The following CUBN variants were observed in gnomAD, a reference collection of about 807,000 sequenced individuals.
CUBN encodes 460 kDa receptor.
In CUBN, 282 loss-of-function variants were observed where a neutral mutation model predicts 405.3. The observed-to-expected ratio is 0.70, with a 90% CI of 0.63 to 0.77. CUBN has a LOEUF of 0.77. Among genes scored for constraint, CUBN ranks in the 30% least tolerant of loss-of-function variants. The pLI, the probability that CUBN is intolerant of heterozygous loss-of-function variation, is 0.00. For synonymous variants in CUBN, 1,684 were observed against 1,617.0 expected, an observed-to-expected ratio of 1.04 and a Z score of -0.99; for missense variants, 4,514 against 4,475.2, an observed-to-expected ratio of 1.01 and a Z score of -0.25.
chr10:17,082,544 G>C (rs539729560), intron 17 of CUBN, among the ~76,000 whole-genome samples: 7 of 152,240 alleles, frequency 4.6e-5, no homozygotes, highest in South Asian at 4.2e-4. Flanking sequence ...CACCATGAAG[G>C]CTTTAACAGA....
chr10:17,046,267 A>C (rs1395959553), intron 23 of CUBN, among the ~76,000 whole-genome samples, 173 bp from the exon 24 acceptor site: 2 of 152,152 alleles, frequency 1.3e-5, no homozygotes, highest in Admixed American at 6.5e-5. Flanking sequence ...TAAATTTTTA[A>C]AAATCATATT....
chr10:16,840,980 G>A lies in CUBN; in HGVS notation c.9731C>T (p.Pro3244Leu). The A allele has an allele frequency of 6.2e-7, 1 of 1,614,076 alleles. No homozygotes were observed. Among genetic ancestry groups the A allele is most frequent in the Non-Finnish European group, 8.5e-7 (1 of 1,179,976 alleles). Residue 3244 changes from proline to leucine, a missense_variant, in exon 61 of 67, where the codon CCT becomes CTT. By Grantham distance (98) the Pro-to-Leu change is moderately conservative (BLOSUM62 -3). Transcript: ENST00000377833. ...GTFCGSTVPA[P>L]FISSGNFLTV... Reference sequence around the variant, plus strand: ...AAGGAAGTTACCAGAAGAGATAAAAGGAGCAGGTACTGTGGAACCACAAAA... The same window carrying A: ...AAGGAAGTTACCAGAAGAGATAAAAAGAGCAGGTACTGTGGAACCACAAAA...
intron 19 of CUBN, 52 bp downstream of exon 19, chr10:17,071,373 TA>T: frequency 6.4e-7 from 1 of 1,559,296 alleles, no homozygotes; most frequent in Non-Finnish European, 8.8e-7. Context: ...CAACCCATAA[TA>T]TTTTTTATAA....
rs115545347 is a variant in CUBN at position 17,127,084 on chromosome 10, T to C, written c.349-285A>G. On this transcript the variant is annotated intron_variant, in intron 3 of 66. Coordinates refer to ENST00000377833, the MANE Select transcript of CUBN (RefSeq NM_001081.4). ...CTGTAGGCAGTGACTATGGAAATGTTCATAAATGTCAGTGATGCATCCACT... is the reference window on the plus strand; with the variant it reads ...CTGTAGGCAGTGACTATGGAAATGTCCATAAATGTCAGTGATGCATCCACT... Among the ~76,000 whole-genome samples, 1,529 of 152,166 alleles carry C rather than the reference T, an allele frequency of 0.01. 19 individuals are homozygous for C. Among genetic ancestry groups the C allele is most frequent in the African/African-American group, 0.035 (1,456 of 41,486 alleles).
chr10:16,906,271 A>G lies in CUBN; in HGVS notation c.7844T>C (p.Ile2615Thr), dbSNP rs1387749112. The change falls in exon 50 of 67, where the codon ATT becomes ACT. Residue 2615 changes from isoleucine (I) to threonine (T), a missense_variant. This residue lies in a region of CUBN where 1,613 missense variants were observed against 1,542.8 expected (regional missense o/e 1.05). Coordinates refer to ENST00000377833, the MANE Select transcript of CUBN (RefSeq NM_001081.4). ...NPNQGNSSISIHFEDFYLESH... is the reference protein window; with the variant it reads ...NPNQGNSSISTHFEDFYLESH... ...TTCTAGGTAAAAATCTTCAAAGTGA[A>G]TGGAAATGGATGAATTTCCCTGATT... 1 of 1,614,180 alleles carries G rather than the reference A, an allele frequency of 6.2e-7. No individual in the cohort carries two copies.
chr10:16,915,003 T>A, intron 47 of CUBN, 29 bp downstream of exon 47: 1 of 1,601,118 alleles, frequency 6.2e-7, no homozygotes, highest in South Asian at 1.1e-5. Context: ...AGGTGCTCAA[T>A]GTTGTGTTGA....
chr10:17,003,263 A>C (rs913977531), intron 28 of CUBN, among the ~76,000 whole-genome samples: 1 of 152,158 alleles, frequency 6.6e-6, no homozygotes, highest in South Asian at 2.1e-4. Flanking sequence ...TCTGTGTGAC[A>C]TTATGTCTAT....
At chr10:16,959,418 C>T (rs955668006) in intron 31 of CUBN, among the ~76,000 whole-genome samples, 7 of 152,076 alleles carry the variant, frequency 4.6e-5, no homozygotes, top group South Asian at 2.1e-4. Flanking sequence ...CACCTGAAGT[C>T]GGGAGTTCAA....
At chr10:16,986,323 G>A (rs919075080) in intron 29 of CUBN, among the ~76,000 whole-genome samples, 3 of 80,716 alleles carry the variant, frequency 3.7e-5, no homozygotes, top group South Asian at 9.3e-4. Context: ...CAGCACCCCC[G>A]GCCCTTGCCC....
intron 22 of CUBN, among the ~76,000 whole-genome samples, chr10:17,064,491 G>A (rs1835568291): frequency 6.6e-6 from 1 of 152,196 alleles, no homozygotes; most frequent in Non-Finnish European, 1.5e-5. Context: ...TCTGGAGGGA[G>A]CTCAGTGAAT....
intron 59 of CUBN, 75 bp downstream of exon 59, chr10:16,869,561 G>GT: frequency 2.0e-6 from 2 of 984,102 alleles, no homozygotes; most frequent in East Asian, 5.0e-5. Flanking sequence ...TGGGGGTGGG[G>GT]GGGGGGCGGG....
intron 48 of CUBN, among the ~76,000 whole-genome samples, chr10:16,907,987 C>T (rs1055357315): frequency 6.6e-6 from 1 of 152,132 alleles, no homozygotes; most frequent in African/African-American, 2.4e-5. Flanking sequence ...AGGAGATGAG[C>T]CATTGTGCTT....
chr10:16,984,823 T>C (rs539175029), intron 29 of CUBN, among the ~76,000 whole-genome samples: 75 of 152,386 alleles, frequency 4.9e-4, no homozygotes, highest in South Asian at 1.2e-3. Context: ...CTGAATGTTT[T>C]CTAAGACCAC....
intron 28 of CUBN, among the ~76,000 whole-genome samples, chr10:17,007,419 C>T (rs1387996736): frequency 1.3e-5 from 2 of 152,012 alleles, no homozygotes; most frequent in Admixed American, 6.6e-5. Flanking sequence ...GTTGTAGATC[C>T]GTTTTCTTAA....
Position 16,900,501 on chromosome 10 carries a change from T to A in CUBN, c.8410+124A>T, listed in dbSNP as rs974382120. ...GTGTTATCCCACCAGGGTTGCTGCA[T>A]GAGATGACATGTGCAAATATTTAGA... On this transcript the variant is annotated intron_variant, in intron 53 of 66. Transcript: ENST00000377833. The A allele has an allele frequency of 6.5e-5, 51 of 782,162 alleles. 1 individual carries two copies. The highest frequency in any genetic ancestry group is 1.2e-4 in the Admixed American group (6 of 50,952). The allele number at this position is 782,162 out of a possible 1,614,324, so 48.5% of individuals were successfully genotyped here. A position where few individuals can be genotyped will look rare whatever the true frequency, so the allele number is the denominator to read the frequency against.
At chr10:16,875,431 C>T (rs1467595642) in intron 57 of CUBN, among the ~76,000 whole-genome samples, 1 of 152,160 alleles carries the variant, frequency 6.6e-6, no homozygotes, top group Non-Finnish European at 1.5e-5. Flanking sequence ...TATACACTAT[C>T]AGTGGACACG....
At chr10:17,087,526 A>G (rs1564510453) in intron 15 of CUBN, among the ~76,000 whole-genome samples, 2 of 122,700 alleles carry the variant, frequency 1.6e-5, no homozygotes, top group African/African-American at 6.1e-5. Context: ...CCCAGGCTGG[A>G]GTGCAGTGGC....
intron 14 of CUBN, among the ~76,000 whole-genome samples, chr10:17,089,167 T>C (rs1836195947): frequency 6.6e-6 from 1 of 152,100 alleles, no homozygotes; most frequent in Non-Finnish European, 1.5e-5. Context: ...GATATGAAAT[T>C]TACATAGCTA....
intron 31 of CUBN, among the ~76,000 whole-genome samples, chr10:16,961,798 G>A (rs1320478555): frequency 7.1e-5 from 9 of 127,424 alleles, no homozygotes; most frequent in African/African-American, 1.2e-4. Context: ...TGCAACCTCC[G>A]CCTCCCGGGT....
Sources: allele counts gnomAD v4.1 joint callset (sites outside exome capture counted in the v4.1 genomes callset), GRCh38; gene constraint gnomAD v4.1.1; regional missense constraint gnomAD v4.1.1; transcripts MANE v1.5; gene names NCBI Gene and HGNC (gene_info 2026-07-23, HGNC 2026-07-21).